PCM1: variants seen among roughly 807,000 people sequenced by gnomAD.
PCM1 encodes the protein pericentriolar material 1.
PCM1 carries 157 observed loss-of-function variants against 241.9 expected under a neutral mutation model. The ratio of observed to expected loss-of-function variants is 0.65; its 90% CI spans 0.57 to 0.74. The LOEUF is 0.74. Ranked by LOEUF, PCM1 falls within the 30% of genes least tolerant of loss-of-function variation. The pLI is 0.00. For missense variants in PCM1, 3,478 were observed against 2,360.1 expected, an observed-to-expected ratio of 1.47 and a Z score of -9.81; for synonymous variants, 1,085 against 784.9, an observed-to-expected ratio of 1.38 and a Z score of -6.39.
At position 18,011,290 on chromosome 8, in the gene PCM1, TG is replaced by T. The variant is rs1323400184; in HGVS notation, c.5276del (p.Gly1759ValfsTer5). The T allele has an allele frequency of 6.2e-7, 1 of 1,607,534 alleles. No homozygotes were observed. Among genetic ancestry groups the T allele is most frequent in the Non-Finnish European group, 8.5e-7 (1 of 1,176,960 alleles). Reference protein sequence around the residue: ...KQTQTSEVYDGPKNVRSDISD... With the variant: ...KQTQTSEVYDXPKNVRSDISD... The stretch of plus-strand genomic sequence containing the variant: ...AGACTCAAACATCTGAGGTGTATGA[TG>T]GTCCCAAAAATGTAAGATCTGATAT... On this transcript the variant is annotated frameshift_variant, in exon 33 of 39. Coordinates refer to ENST00000325083, the MANE Select transcript of PCM1 (RefSeq NM_006197.4). LOFTEE classifies it high-confidence loss of function.
intron 23 of PCM1, among the ~76,000 whole-genome samples, chr8:17,974,271 T>G (rs565290326): frequency 1.3e-5 from 2 of 152,344 alleles, no homozygotes; most frequent in Admixed American, 1.3e-4. Flanking sequence ...AATGGCCATT[T>G]AGAGACAGGG....
chr8:17,989,641 T>C (rs1275754120), intron 26 of PCM1, among the ~76,000 whole-genome samples: 1 of 152,062 alleles, frequency 6.6e-6, no homozygotes, highest in Non-Finnish European at 1.5e-5. Flanking sequence ...ATAATAAATA[T>C]TCTGCAAGGC....
In PCM1 at chr8:17,947,646, C is replaced by T. The variant is rs940141756; in HGVS notation, c.961+283C>T. Among the ~76,000 whole-genome samples the T allele has an allele frequency of 8.5e-5, 13 of 152,234 alleles. 1 individual carries two copies. Among genetic ancestry groups the T allele is most frequent in the South Asian group, 4.1e-4 (2 of 4,822 alleles). ...GACAGGCTGTAGTTCTGTTTTTGTA[C>T]CTCAGACTGATAAGGCTCATGATGC... On this transcript the variant is annotated intron_variant, in intron 7 of 38. Coordinates refer to ENST00000325083, the MANE Select transcript of PCM1 (RefSeq NM_006197.4).
intron 34 of PCM1, among the ~76,000 whole-genome samples, chr8:18,012,167 T>C (rs192909150): frequency 6.6e-6 from 1 of 152,222 alleles, no homozygotes; most frequent in African/African-American, 2.4e-5. Flanking sequence ...TCCAATAATT[T>C]ATACGTTTTA....
Position 17,947,291 on chromosome 8 carries a change from C to T in PCM1, c.889C>T (p.Gln297Ter). The T allele has an allele frequency of 1.2e-6, 2 of 1,612,794 alleles. No homozygotes were observed. The highest frequency in any genetic ancestry group is 1.7e-6 in the Non-Finnish European group (2 of 1,179,018). The change falls in exon 7 of 39, where the codon CAG (glutamine) becomes TAG (stop). Residue 297 changes from glutamine (Q) to a stop codon, truncating the protein, a stop_gained. Transcript: ENST00000325083. LOFTEE classifies it high-confidence loss of function. ...ACAGCAGGAGCAACTAAGAGCTCTA[C>T]AGGGACGGCAGGCTGCACTTCTAGC... Reference protein sequence around the residue: ...LQQQEQLRALQGRQAALLALQ... With the variant: ...LQQQEQLRAL
rs2080401178 is a variant in PCM1 at position 17,980,664 on chromosome 8, A to T, written c.4017A>T (p.Glu1339Asp). The part of the protein sequence containing the change: ...KSRNRHSAQT[E>D]EPVQAKVFSR... Reference sequence around the variant, plus strand: ...GGAACAGACATTCAGCCCAGACTGAAGAGCCTGTTCAAGCAAAAGTATTCA... The same window carrying T: ...GGAACAGACATTCAGCCCAGACTGATGAGCCTGTTCAAGCAAAAGTATTCA... The change falls in exon 24 of 39, where the codon GAA becomes GAT. Residue 1339 changes from glutamate (E) to aspartate (D), a missense_variant. Glu to Asp is a conservative substitution (Grantham distance 45). Coordinates refer to ENST00000325083, the MANE Select transcript of PCM1 (RefSeq NM_006197.4). 1.2e-6 allele frequency: 2 copies of T among 1,613,480 alleles called. No homozygotes were observed. Among genetic ancestry groups the T allele is most frequent in the African/African-American group, 2.7e-5 (2 of 74,934 alleles).
intron 2 of PCM1, among the ~76,000 whole-genome samples, chr8:17,930,619 C>T (rs1336137347): frequency 2.0e-5 from 3 of 151,804 alleles, no homozygotes; most frequent in Non-Finnish European, 4.4e-5. Context: ...TGGCTCACGC[C>T]TGTAATCCCA....
chr8:18,021,883 A>AGT (rs2093781903), intron 36 of PCM1, among the ~76,000 whole-genome samples: 1 of 152,052 alleles, frequency 6.6e-6, no homozygotes, highest in Non-Finnish European at 1.5e-5. Flanking sequence ...GTTAGCTCTG[A>AGT]AATGACTCAA....
chr8:18,002,070 T>C (rs1372566284), intron 29 of PCM1, among the ~76,000 whole-genome samples: 1 of 72,196 alleles, frequency 1.4e-5, no homozygotes, highest in East Asian at 4.4e-4. Flanking sequence ...TTTTCTTTTT[T>C]TTTTTTTCTT....
At position 18,027,867 on chromosome 8, in the gene PCM1, T is replaced by G. The variant is rs1032310053; in HGVS notation, c.*205T>G. On this transcript the variant is annotated 3_prime_UTR_variant, in exon 39 of 39. Coordinates refer to ENST00000325083, the MANE Select transcript of PCM1 (RefSeq NM_006197.4). ...TTTAAGCCTTGACACACTGTGTTTT[T>G]TTTTTTTTCCCCCTTCTTTTTTGGG... 1 of 394,300 alleles carries G rather than the reference T, an allele frequency of 2.5e-6. No homozygotes were observed. The allele number at this position is 394,300 out of a possible 1,614,324, so 24.4% of individuals were successfully genotyped here.
At chr8:17,944,249 C>T (rs1454422701) in intron 6 of PCM1, among the ~76,000 whole-genome samples, 1 of 152,106 alleles carries the variant, frequency 6.6e-6, no homozygotes, top group Non-Finnish European at 1.5e-5. Flanking sequence ...TAGAACCCAG[C>T]ACATAATTTG....
chr8:17,935,551 TA>T, intron 2 of PCM1, 37 bp from the exon 3 acceptor site: 1 of 706,318 alleles, frequency 1.4e-6, no homozygotes, highest in Non-Finnish European at 2.6e-6. Flanking sequence ...AATTTGTTTT[TA>T]TGTGTTATAA....
rs1279306796 is a variant in PCM1, at chr8:17,960,451, A to G, written c.2322+7A>G. On this transcript the variant is annotated splice_region_variant and intron_variant, in intron 15 of 38. Transcript: ENST00000325083. Reference sequence around the variant, plus strand: ...GGCATGCCCTGACTTACAGGTAATTATGAAATTTATTTCTAATTGTCTGAA... The same window carrying G: ...GGCATGCCCTGACTTACAGGTAATTGTGAAATTTATTTCTAATTGTCTGAA... 2.5e-6 allele frequency: 4 copies of G among 1,573,282 alleles called. No homozygotes were observed. The highest frequency in any genetic ancestry group is 2.0e-5 in the Admixed American group (1 of 49,448).
chr8:17,975,039 G>T (rs570965659), intron 23 of PCM1, among the ~76,000 whole-genome samples: 1 of 152,054 alleles, frequency 6.6e-6, no homozygotes, highest in African/African-American at 2.4e-5. Context: ...TTAGAAATGC[G>T]TGCTTTTGGG....
At chr8:17,971,601 T>A (rs921989201) in intron 22 of PCM1, among the ~76,000 whole-genome samples, 3 of 152,250 alleles carry the variant, frequency 2.0e-5, no homozygotes, top group Non-Finnish European at 4.4e-5. Context: ...TGACCAATTG[T>A]ATTCACCAAA....
chr8:17,957,994 A>G (rs1026533659), intron 13 of PCM1, among the ~76,000 whole-genome samples: 1 of 152,188 alleles, frequency 6.6e-6, no homozygotes, highest in Non-Finnish European at 1.5e-5. Flanking sequence ...TTGTGGCGAT[A>G]TAGTATCTGT....
At chr8:18,024,428 T>C (rs2094001216) in intron 36 of PCM1, among the ~76,000 whole-genome samples, 1 of 152,208 alleles carries the variant, frequency 6.6e-6, no homozygotes. Context: ...GAAAGGGGGC[T>C]TATAATCTTT....
chr8:17,931,330 C>T (rs2058963435), intron 2 of PCM1, among the ~76,000 whole-genome samples: 1 of 151,804 alleles, frequency 6.6e-6, no homozygotes, highest in Non-Finnish European at 1.5e-5. Flanking sequence ...TTGCTCTTGC[C>T]CAGGCTGGAG....
At chr8:17,992,198 T>C (rs2084913810) in intron 28 of PCM1, among the ~76,000 whole-genome samples, 1 of 152,264 alleles carries the variant, frequency 6.6e-6, no homozygotes, top group African/African-American at 2.4e-5. Flanking sequence ...TGTGCTGCTA[T>C]AAACATGCAC....
Sources: allele counts gnomAD v4.1 joint callset (sites outside exome capture counted in the v4.1 genomes callset), GRCh38; gene constraint gnomAD v4.1.1; transcripts MANE v1.5; gene names NCBI Gene and HGNC (gene_info 2026-07-23, HGNC 2026-07-21).